The following CTNND1 variants were observed in gnomAD, a reference collection of about 807,000 sequenced individuals.
CTNND1 encodes the protein catenin delta-1.
In CTNND1, 16 loss-of-function variants were observed where a neutral mutation model predicts 112.1. The observed-to-expected ratio is 0.14, with a 90% CI of 0.10 to 0.22. The LOEUF (loss-of-function observed/expected upper bound fraction) is 0.22, where lower values mean the gene tolerates loss of function less well. CTNND1 is among the 10% of genes least tolerant of loss of function. CTNND1 has a pLI of 1.00. For missense variants in CTNND1, 1,008 were observed against 1,257.0 expected (o/e 0.80, Z 3.00); for synonymous variants, 420 against 446.5 (o/e 0.94, Z 0.75).
chr11:57,780,432 G>C (rs1299505948), intron 1 of CTNND1, among the ~76,000 whole-genome samples: 1 of 152,130 alleles, frequency 6.6e-6, no homozygotes, highest in East Asian at 1.9e-4. Flanking sequence ...CATGGACTTG[G>C]AATAAAATAG....
Position 57,811,393 on chromosome 11 carries a change from C to T in CTNND1, c.2551-6C>T, listed in dbSNP as rs762247057. 4 of 1,609,056 alleles carry T rather than the reference C, an allele frequency of 2.5e-6. No individual in the cohort carries two copies. Among genetic ancestry groups the T allele is most frequent in the African/African-American group, 2.7e-5 (2 of 74,804 alleles). On this transcript the variant is annotated splice_polypyrimidine_tract_variant and splice_region_variant and intron_variant, in intron 16 of 20. Transcript: ENST00000399050. Reference sequence around the variant, plus strand: ...GTCACATTGTCGCATTTGTGTTTGCCTCTAGGTGAATCTAAACAATGCTTC... The same window carrying T: ...GTCACATTGTCGCATTTGTGTTTGCTTCTAGGTGAATCTAAACAATGCTTC...
intron 2 of CTNND1, 87 bp downstream of exon 2, chr11:57,789,242 A>C: frequency 5.1e-6 from 5 of 972,506 alleles, no homozygotes; most frequent in Non-Finnish European, 5.7e-6. Context: ...CATAGCAGAA[A>C]AAAATCTTTT....
At chr11:57,768,560 A>AT (rs1951728826) in intron 1 of CTNND1, among the ~76,000 whole-genome samples, 2 of 151,154 alleles carry the variant, frequency 1.3e-5, no homozygotes, top group South Asian at 4.2e-4. Flanking sequence ...CGCCTGGCTA[A>AT]TTTTTTGTAT....
At chr11:57,783,594 G>A (rs2059821948) in intron 1 of CTNND1, among the ~76,000 whole-genome samples, 1 of 151,896 alleles carries the variant, frequency 6.6e-6, no homozygotes, top group Admixed American at 6.6e-5. Flanking sequence ...GGGAGGCGGA[G>A]CTTGCAGTGA....
intron 1 of CTNND1, among the ~76,000 whole-genome samples, chr11:57,778,133 C>T (rs1309531072): frequency 6.6e-6 from 1 of 151,924 alleles, no homozygotes; most frequent in African/African-American, 2.4e-5. Flanking sequence ...AGTGGTTGTC[C>T]TCTCATTCTC....
intron 7 of CTNND1, 76 bp downstream of exon 7, chr11:57,802,272 G>A (rs1016897398): frequency 7.7e-6 from 10 of 1,299,026 alleles, no homozygotes; most frequent in East Asian, 2.3e-5. Context: ...GGGATTTCCA[G>A]ACCTTTTACT....
intron 14 of CTNND1, among the ~76,000 whole-genome samples, chr11:57,809,037 C>T (rs963897485): frequency 2.0e-5 from 3 of 151,994 alleles, no homozygotes; most frequent in African/African-American, 4.8e-5. Flanking sequence ...ATTTAATATA[C>T]AGTATTTACA....
In CTNND1 at chr11:57,762,076, C is replaced by A. The variant is rs1465889963; in HGVS notation, c.-257C>A. The A allele has an allele frequency of 3.5e-5, 34 of 985,290 alleles. No individual in the cohort carries two copies. Among genetic ancestry groups the A allele is most frequent in the Non-Finnish European group, 4.1e-5 (34 of 829,932 alleles). 61.0% of individuals were successfully genotyped at this position (985,290 alleles called of 1,614,324 possible). A position where few individuals can be genotyped will look rare whatever the true frequency, so the allele number is the denominator to read the frequency against. ...GTGGCTTTTGAAGAAAATGTATGTA[C>A]TGACGGGAAAAGGAGGATAAGCAAG... On this transcript the variant is annotated 5_prime_UTR_variant, in exon 1 of 21. It adds an upstream start codon to the 5' untranslated region. Coordinates refer to ENST00000399050, the MANE Select transcript of CTNND1 (RefSeq NM_001085458.2).
intron 6 of CTNND1, among the ~76,000 whole-genome samples, chr11:57,799,049 G>C (rs754233112): frequency 4.6e-5 from 7 of 152,166 alleles, no homozygotes; most frequent in Non-Finnish European, 7.3e-5. Context: ...ATGCCTTGGT[G>C]CTCATTTTCC....
At chr11:57,808,078 A>T in intron 12 of CTNND1, 87 bp from the exon 13 acceptor site, 1 of 1,403,934 alleles carries the variant, frequency 7.1e-7, no homozygotes. Flanking sequence ...CCATCAACTG[A>T]GAGTACTAAG....
At chr11:57,806,425 C>G in intron 10 of CTNND1, 36 bp from the exon 11 acceptor site, 1 of 1,581,538 alleles carries the variant, frequency 6.3e-7, no homozygotes, top group Non-Finnish European at 8.6e-7. Flanking sequence ...TTTCATTTCT[C>G]TTCTCTGCTT....
intron 6 of CTNND1, among the ~76,000 whole-genome samples, chr11:57,797,857 A>AC (rs1555055390): frequency 3.3e-5 from 5 of 150,442 alleles, no homozygotes; most frequent in Non-Finnish European, 7.4e-5. Context: ...AAAAAAAAAA[A>AC]AAAAAACAAC....
At chr11:57,803,083 C>T (rs781268494) in intron 7 of CTNND1, among the ~76,000 whole-genome samples, 5 of 152,064 alleles carry the variant, frequency 3.3e-5, no homozygotes, top group Admixed American at 1.3e-4. Context: ...ATAGACAGAT[C>T]GGAGAGCATT....
chr11:57,810,092 G>A lies in CTNND1; in HGVS notation c.2436-17G>A, dbSNP rs2063158258. 6.3e-7 allele frequency: 1 copy of A among 1,587,102 alleles called. No homozygotes were observed. Among genetic ancestry groups the A allele is most frequent in the South Asian group, 1.1e-5 (1 of 88,596 alleles). ...ATTTTATATCCAAATTCCGTATGGT[G>A]TTACTTTCCTCCAAAGGAACCGCTC... is the stretch of plus-strand genomic sequence containing the variant. On this transcript the variant is annotated splice_polypyrimidine_tract_variant and intron_variant, in intron 15 of 20. Coordinates refer to ENST00000399050, the MANE Select transcript of CTNND1 (RefSeq NM_001085458.2).
intron 1 of CTNND1, among the ~76,000 whole-genome samples, chr11:57,775,953 C>T (rs1235700190): frequency 1.3e-5 from 2 of 152,180 alleles, no homozygotes; most frequent in East Asian, 3.8e-4. Flanking sequence ...ACCTTATATA[C>T]ACCTCCCTTG....
intron 2 of CTNND1, 97 bp downstream of exon 2, chr11:57,789,252 T>C: frequency 2.4e-6 from 2 of 817,506 alleles, no homozygotes; most frequent in Middle Eastern, 2.4e-4. Flanking sequence ...AAAAATCTTT[T>C]TAAATACCTT....
chr11:57,796,559 A>G lies in CTNND1; in HGVS notation c.523A>G (p.Ile175Val), dbSNP rs779083850. ...VDASSVSNNYIQTLGRDFRKN... is the reference protein window; with the variant it reads ...VDASSVSNNYVQTLGRDFRKN... ...TGCTTCATCAGTTTCTAACAACTAT[A>G]TCCAGACTTTGGGTCGTGATTTCCG... Residue 175 changes from isoleucine to valine, a missense_variant, in exon 6 of 21, where the codon ATC becomes GTC. Ile to Val is a conservative substitution (Grantham distance 29). Coordinates refer to ENST00000399050, the MANE Select transcript of CTNND1 (RefSeq NM_001085458.2). 3.1e-6 allele frequency: 5 copies of G among 1,613,902 alleles called. No homozygotes were observed. The highest frequency in any genetic ancestry group is 4.2e-6 in the Non-Finnish European group (5 of 1,179,908).
At chr11:57,806,797 C>T (rs1476208662) in intron 11 of CTNND1, 118 bp from the exon 12 acceptor site, 2 of 853,618 alleles carry the variant, frequency 2.3e-6, no homozygotes, top group Non-Finnish European at 3.7e-6. Flanking sequence ...GCCCCTTTTC[C>T]CCTCGTGGTG....
At chr11:57,803,577 T>C (rs1206572673) in intron 7 of CTNND1, 44 bp from the exon 8 acceptor site, 1 of 1,476,930 alleles carries the variant, frequency 6.8e-7, no homozygotes, top group African/African-American at 1.4e-5. Flanking sequence ...TCAGACATAT[T>C]GTCTTGAATG....
Sources: gnomAD v4.1 joint callset for allele counts (sites outside exome capture counted in the v4.1 genomes callset) on GRCh38, gnomAD v4.1.1 for gene constraint, MANE v1.5 for transcripts, NCBI Gene and HGNC (gene_info 2026-07-23, HGNC 2026-07-21) for gene names.